SEMA3A: variants seen among roughly 807,000 people sequenced by gnomAD.
SEMA3A encodes semaphorin 3A.
In SEMA3A, 29 loss-of-function variants were observed where a neutral mutation model predicts 97.9. The ratio of observed to expected loss-of-function variants is 0.30; its 90% CI spans 0.22 to 0.40. SEMA3A has a LOEUF of 0.40. Ranked by LOEUF, SEMA3A falls within the 10% of genes least tolerant of loss-of-function variation. The probability of loss-of-function intolerance (pLI) is 1.00; values close to 1 mark genes in which losing one functional copy is unlikely to be tolerated. For missense variants in SEMA3A, 763 were observed against 951.3 expected (o/e 0.80, Z 2.60); for synonymous variants, 321 against 323.7 (o/e 0.99, Z 0.09).
intron 1 of SEMA3A, among the ~76,000 whole-genome samples, chr7:84,450,289 C>T (rs139853804): frequency 9.5e-4 from 144 of 152,176 alleles, no homozygotes; most frequent in Middle Eastern, 3.4e-3. Context: ...GAGTATAGGG[C>T]CCCAGATGGT....
At chr7:84,016,537 CAAA>C (rs60668785) in intron 6 of SEMA3A, among the ~76,000 whole-genome samples, 1 of 102,414 alleles carries the variant, frequency 9.8e-6, no homozygotes, top group Non-Finnish European at 2.2e-5. Context: ...GACTCTGTCT[CAAA>C]AAAAAAAAAA....
intron 2 of SEMA3A, among the ~76,000 whole-genome samples, chr7:84,346,811 G>A (rs529244692): frequency 2.0e-5 from 3 of 152,270 alleles, no homozygotes; most frequent in Non-Finnish European, 4.4e-5. Flanking sequence ...AGAACATGGT[G>A]TTGGAAAAAT....
At chr7:84,321,872 G>GAAGAAAAAAAA (rs1801654968) in intron 2 of SEMA3A, among the ~76,000 whole-genome samples, 1 of 12,062 alleles carries the variant, frequency 8.3e-5, no homozygotes, top group Non-Finnish European at 1.8e-4. Context: ...CGAGACTACG[G>GAAGAAAAAAAA]AAAAAAAAAA....
intron 1 of SEMA3A, among the ~76,000 whole-genome samples, chr7:84,158,429 G>C (rs1796921979): frequency 6.6e-6 from 1 of 152,094 alleles, no homozygotes. Context: ...TGGGATTATA[G>C]GCGTGAGCCA....
At chr7:84,260,734 G>C (rs13230582) in intron 3 of SEMA3A, among the ~76,000 whole-genome samples, 1 of 152,174 alleles carries the variant, frequency 6.6e-6, no homozygotes, top group African/African-American at 2.4e-5. Context: ...CCAAGGGGGG[G>C]ACTGAGGGAG....
chr7:84,288,152 T>A (rs185034034), intron 3 of SEMA3A, among the ~76,000 whole-genome samples: 14 of 152,232 alleles, frequency 9.2e-5, no homozygotes, highest in African/African-American at 2.6e-4. Context: ...TGTCTCATTA[T>A]ATTGCCAAGG....
At chr7:84,280,175 ATGTGAGACAC>A (rs909410448) in intron 3 of SEMA3A, among the ~76,000 whole-genome samples, 2 of 152,110 alleles carry the variant, frequency 1.3e-5, no homozygotes, top group African/African-American at 4.8e-5. Context: ...GGGATTACAG[ATGTGAGACAC>A]TGCACCAAGC....
intron 3 of SEMA3A, among the ~76,000 whole-genome samples, chr7:84,269,483 A>T (rs1800091716): frequency 6.6e-6 from 1 of 152,054 alleles, no homozygotes; most frequent in Non-Finnish European, 1.5e-5. Flanking sequence ...CTAGGAGATA[A>T]TGCAGTCAAA....
At chr7:84,318,692 T>C (rs1417906806) in intron 2 of SEMA3A, among the ~76,000 whole-genome samples, 1 of 152,172 alleles carries the variant, frequency 6.6e-6, no homozygotes, top group Non-Finnish European at 1.5e-5. Context: ...AAAAAGCCTT[T>C]CCTGTACACT....
chr7:84,246,645 C>A (rs1455579916), intron 3 of SEMA3A, among the ~76,000 whole-genome samples: 1 of 151,894 alleles, frequency 6.6e-6, no homozygotes, highest in East Asian at 1.9e-4. Context: ...TGTCAAAATT[C>A]TCAAACTCTC....
At chr7:83,968,185 C>A (rs1357605663) in intron 15 of SEMA3A, among the ~76,000 whole-genome samples, 1 of 152,088 alleles carries the variant, frequency 6.6e-6, no homozygotes, top group Non-Finnish European at 1.5e-5. Flanking sequence ...GATATGAAAT[C>A]TTATATATTG....
chr7:84,068,533 T>C (rs1032891737), intron 4 of SEMA3A, among the ~76,000 whole-genome samples: 2 of 151,608 alleles, frequency 1.3e-5, no homozygotes, highest in African/African-American at 4.8e-5. Flanking sequence ...TATTAAAATA[T>C]GTATATGCGA....
intron 1 of SEMA3A, among the ~76,000 whole-genome samples, chr7:84,412,464 T>G: frequency 6.6e-6 from 1 of 152,184 alleles, no homozygotes; most frequent in Middle Eastern, 3.2e-3. Context: ...ATTTTTACAT[T>G]CTGAGGCAAT....
intron 2 of SEMA3A, among the ~76,000 whole-genome samples, chr7:84,312,155 T>C (rs1801340041): frequency 1.3e-5 from 2 of 152,032 alleles, no homozygotes; most frequent in Non-Finnish European, 2.9e-5. Flanking sequence ...TTTTTGTTGA[T>C]GGTCACTAGA....
chr7:83,964,507 C>G (rs564942095), intron 15 of SEMA3A, among the ~76,000 whole-genome samples: 16 of 152,208 alleles, frequency 1.1e-4, no homozygotes, highest in African/African-American at 3.4e-4. Context: ...AGGTTTAAAG[C>G]CTTCAAAAAT....
At chr7:84,018,165 G>A (rs1384359003) in intron 6 of SEMA3A, among the ~76,000 whole-genome samples, 1 of 152,122 alleles carries the variant, frequency 6.6e-6, no homozygotes, top group Non-Finnish European at 1.5e-5. Context: ...GTTACCTGCT[G>A]TACTGATAGG....
intron 4 of SEMA3A, among the ~76,000 whole-genome samples, chr7:84,108,574 C>T (rs1246067704): frequency 6.6e-6 from 1 of 152,152 alleles, no homozygotes; most frequent in African/African-American, 2.4e-5. Flanking sequence ...CTAGATGTGA[C>T]ACCAAAGTCC....
At chr7:84,419,937 G>T (rs1158277129) in intron 1 of SEMA3A, among the ~76,000 whole-genome samples, 1 of 152,102 alleles carries the variant, frequency 6.6e-6, no homozygotes, top group Non-Finnish European at 1.5e-5. Flanking sequence ...GGCATTCAAG[G>T]AAATTTCTGC....
chr7:84,016,882 G>C (rs1791126598), intron 6 of SEMA3A, among the ~76,000 whole-genome samples: 2 of 152,140 alleles, frequency 1.3e-5, no homozygotes, highest in African/African-American at 4.8e-5. Flanking sequence ...GAATAAAAAT[G>C]AAAACAATCA....
Sources: allele counts gnomAD v4.1 joint callset (sites outside exome capture counted in the v4.1 genomes callset), GRCh38; gene constraint gnomAD v4.1.1; transcripts MANE v1.5; gene names NCBI Gene and HGNC (gene_info 2026-07-23, HGNC 2026-07-21).